The following ANO2 variants were observed in gnomAD, a reference collection of about 807,000 sequenced individuals.
The protein encoded by ANO2 is anoctamin-2.
In ANO2, 101 loss-of-function variants were observed where a neutral mutation model predicts 124.2. The ratio of observed to expected loss-of-function variants is 0.81; its 90% CI spans 0.69 to 0.96. The LOEUF is 0.96. Among genes scored for constraint, ANO2 ranks in the 40% least tolerant of loss-of-function variants. The pLI, the probability that ANO2 is intolerant of heterozygous loss-of-function variation, is 0.00. For synonymous variants in ANO2, 486 were observed against 482.5 expected, an observed-to-expected ratio of 1.01 and a Z score of -0.09; for missense variants, 1,293 against 1,274.5, an observed-to-expected ratio of 1.01 and a Z score of -0.22.
At chr12:5,738,503 TC>T (rs1950965494) in intron 13 of ANO2, among the ~76,000 whole-genome samples, 1 of 152,154 alleles carries the variant, frequency 6.6e-6, no homozygotes. Flanking sequence ...CTGCTTGACA[TC>T]CCATCCATGG....
intron 3 of ANO2, among the ~76,000 whole-genome samples, chr12:5,874,869 G>A (rs891793850): frequency 1.9e-4 from 29 of 152,186 alleles, no homozygotes; most frequent in African/African-American, 5.6e-4. Context: ...TGCAGGCCAC[G>A]TGGTTTCTGT....
At chr12:5,684,131 T>A (rs1591898921) in intron 14 of ANO2, among the ~76,000 whole-genome samples, 1 of 152,034 alleles carries the variant, frequency 6.6e-6, no homozygotes, top group South Asian at 2.1e-4. Context: ...TCATGCCAGG[T>A]GTCCCTCCCA....
rs569304359 is a variant in ANO2, at chr12:5,839,903, A to C, written c.634-7300T>G. 3.9e-5 allele frequency among the ~76,000 whole-genome samples: 6 copies of C among 152,120 alleles called. 1 individual carries two copies. In the South Asian group the frequency reaches 8.3e-4, roughly 21 times the overall value. ...TCCCCTTCTGGAGCCCTTTACTTCA[A>C]CCTAACATCCTTTGATCCTTGGCTG... On this transcript the variant is annotated intron_variant, in intron 4 of 24. Transcript: ENST00000682330.
At position 5,788,657 on chromosome 12, in the gene ANO2, C is replaced by T. The variant is rs572647932; in HGVS notation, c.1055+10850G>A. Among the ~76,000 whole-genome samples the T allele has an allele frequency of 1.1e-4, 16 of 152,302 alleles. 1 individual carries two copies. In the South Asian group the frequency reaches 3.3e-3, roughly 32 times the overall value. ...CACTGCAACCTCTGCCTCCAGGGTTCGAGCAACTCTCTTGCCTCAGCTTCC... is the reference window on the plus strand; with the variant it reads ...CACTGCAACCTCTGCCTCCAGGGTTTGAGCAACTCTCTTGCCTCAGCTTCC... On this transcript the variant is annotated intron_variant, in intron 10 of 24. Coordinates refer to ENST00000682330, the MANE Select transcript of ANO2 (RefSeq NM_001364791.2).
chr12:5,822,205 C>G (rs368769283), intron 7 of ANO2, among the ~76,000 whole-genome samples: 1 of 152,158 alleles, frequency 6.6e-6, no homozygotes. Flanking sequence ...TACTGATTCA[C>G]GGGCTGTAGC....
intron 17 of ANO2, among the ~76,000 whole-genome samples, chr12:5,613,257 T>C (rs1040020435): frequency 6.6e-6 from 1 of 152,120 alleles, no homozygotes; most frequent in Non-Finnish European, 1.5e-5. Context: ...CTAAACACCA[T>C]GCAGTTTGGA....
At chr12:5,584,060 G>T (rs187594269) in intron 20 of ANO2, 2 of 258,452 alleles carry the variant, frequency 7.7e-6, no homozygotes, top group East Asian at 1.0e-4. Flanking sequence ...ACTATTTCCC[G>T]ATTGTGATTC....
chr12:5,796,263 AC>A (rs886211957), intron 10 of ANO2, among the ~76,000 whole-genome samples: 1 of 150,978 alleles, frequency 6.6e-6, no homozygotes, highest in Admixed American at 6.6e-5. Context: ...ATACACTCAC[AC>A]CGACACACGC....
intron 14 of ANO2, among the ~76,000 whole-genome samples, chr12:5,731,949 C>G (rs977566029): frequency 2.0e-5 from 3 of 152,152 alleles, no homozygotes; most frequent in African/African-American, 7.2e-5. Flanking sequence ...CAGTTGAAGG[C>G]TGTATGGCAT....
intron 7 of ANO2, among the ~76,000 whole-genome samples, chr12:5,817,534 C>T (rs946210151): frequency 6.6e-6 from 1 of 152,006 alleles, no homozygotes; most frequent in African/African-American, 2.4e-5. Context: ...GATAAGAGCT[C>T]CAAGGAAAGG....
chr12:5,575,678 GTAT>G (rs1942357551), intron 23 of ANO2, among the ~76,000 whole-genome samples, 153 bp downstream of exon 23: 1 of 152,164 alleles, frequency 6.6e-6, no homozygotes. Context: ...TAAAAATATG[GTAT>G]TATAATCTTA....
chr12:5,830,471 C>A lies in ANO2; in HGVS notation c.804G>T (p.Lys268Asn). 6.2e-7 allele frequency: 1 copy of A among 1,612,574 alleles called. No homozygotes were observed. Among genetic ancestry groups the A allele is most frequent in the Non-Finnish European group, 8.5e-7 (1 of 1,179,420 alleles). ...GGGTGGCATTATCAAAGAAGGTGTCCTTTTCCTGGATGTTGTACCTGGAGA... is the reference window on the plus strand; with the variant it reads ...GGGTGGCATTATCAAAGAAGGTGTCATTTTCCTGGATGTTGTACCTGGAGA... The part of the protein sequence containing the change: ...EKMYLYNIQE[K>N]DTFFDNATRS... The change falls in exon 6 of 25, where the codon AAG becomes AAT. Residue 268 changes from lysine to asparagine, a missense_variant. Lys to Asn is a moderately conservative substitution (Grantham distance 94). Transcript: ENST00000682330.
chr12:5,849,880 G>C (rs547297261), intron 4 of ANO2, among the ~76,000 whole-genome samples: 111 of 152,134 alleles, frequency 7.3e-4, no homozygotes, highest in African/African-American at 2.6e-3. Flanking sequence ...ATTTTAAAAA[G>C]AGAGCATGCC....
At chr12:5,881,106 T>C (rs1938473270) in intron 3 of ANO2, among the ~76,000 whole-genome samples, 3 of 152,150 alleles carry the variant, frequency 2.0e-5, no homozygotes, top group Admixed American at 6.5e-5. Context: ...ATTCTACGTA[T>C]GTCTACAGAA....
chr12:5,661,667 T>C (rs1007025741), intron 14 of ANO2, among the ~76,000 whole-genome samples: 1 of 152,058 alleles, frequency 6.6e-6, no homozygotes, highest in Non-Finnish European at 1.5e-5. Context: ...TGCCACTGGG[T>C]CCCACTTTAG....
chr12:5,922,455 G>T (rs1468149257), intron 2 of ANO2, among the ~76,000 whole-genome samples, 165 bp downstream of exon 2: 1 of 152,224 alleles, frequency 6.6e-6, no homozygotes, highest in Non-Finnish European at 1.5e-5. Context: ...GGGAAAGTGT[G>T]CCTGACTTGG....
At chr12:5,732,773 C>A (rs758020539) in intron 13 of ANO2, 143 bp from the exon 14 acceptor site, 2 of 1,575,936 alleles carry the variant, frequency 1.3e-6, no homozygotes, top group Non-Finnish European at 1.7e-6. Flanking sequence ...CACACAATCA[C>A]AAGGCATCTA....
At chr12:5,923,114 G>A (rs1181602374) in intron 1 of ANO2, among the ~76,000 whole-genome samples, 2 of 9,870 alleles carry the variant, frequency 2.0e-4, no homozygotes, top group South Asian at 6.5e-3. Flanking sequence ...ACACACACAT[G>A]CACGCACACA....
chr12:5,764,867 C>T (rs866739466), intron 10 of ANO2, among the ~76,000 whole-genome samples: 9 of 152,294 alleles, frequency 5.9e-5, no homozygotes, highest in African/African-American at 1.9e-4. Context: ...TTAAGGAGCC[C>T]ATATGATAAA....
Sources: gnomAD v4.1 joint callset for allele counts (sites outside exome capture counted in the v4.1 genomes callset) on GRCh38, gnomAD v4.1.1 for gene constraint, MANE v1.5 for transcripts, NCBI Gene and HGNC (gene_info 2026-07-23, HGNC 2026-07-21) for gene names.